The following ARHGAP15 variants were observed in gnomAD, a reference collection of about 807,000 sequenced individuals.
ARHGAP15 encodes Rho GTPase activating protein 15.
Under a neutral mutation model 63.7 loss-of-function variants are expected in ARHGAP15, and 51 were observed. That is an observed-to-expected ratio of 0.80 (90% CI 0.64 to 1.01). The LOEUF is 1.01. Ranked by LOEUF, ARHGAP15 falls within the 50% of genes least tolerant of loss-of-function variation. ARHGAP15 has a pLI of 0.00. For synonymous variants in ARHGAP15, 191 were observed against 193.8 expected, an observed-to-expected ratio of 0.99 and a Z score of 0.12; for missense variants, 560 against 564.6, an observed-to-expected ratio of 0.99 and a Z score of 0.08.
intron 12 of ARHGAP15, among the ~76,000 whole-genome samples, chr2:143,679,633 G>T (rs1341600765): frequency 7.0e-6 from 1 of 143,638 alleles, no homozygotes; most frequent in East Asian, 2.1e-4. Flanking sequence ...TTTATTTCTT[G>T]AATGAGGGGG....
chr2:143,639,654 CAT>C (rs1680512438), intron 12 of ARHGAP15, among the ~76,000 whole-genome samples: 1 of 151,978 alleles, frequency 6.6e-6, no homozygotes, highest in Non-Finnish European at 1.5e-5. Context: ...TAGGAAATAA[CAT>C]TATAAAATTT....
intron 6 of ARHGAP15, among the ~76,000 whole-genome samples, chr2:143,426,239 G>C: frequency 6.6e-6 from 1 of 152,098 alleles, no homozygotes; most frequent in East Asian, 1.9e-4. Context: ...CACCACCTGA[G>C]TTATTTTTAT....
At chr2:143,409,228 A>G (rs1688342324) in intron 6 of ARHGAP15, among the ~76,000 whole-genome samples, 1 of 152,010 alleles carries the variant, frequency 6.6e-6, no homozygotes, top group African/African-American at 2.4e-5. Context: ...TGACACATAT[A>G]TCATACACCC....
At chr2:143,338,238 T>C (rs1684895487) in intron 6 of ARHGAP15, among the ~76,000 whole-genome samples, 1 of 152,188 alleles carries the variant, frequency 6.6e-6, no homozygotes. Flanking sequence ...AGCAGAGTGA[T>C]TAAGTACTGT....
At chr2:143,721,690 CTTTTT>C (rs890798975) in intron 13 of ARHGAP15, among the ~76,000 whole-genome samples, 1 of 146,274 alleles carries the variant, frequency 6.8e-6, no homozygotes, top group African/African-American at 2.5e-5. Context: ...CCTTTTTAAA[CTTTTT>C]TTTTTTTTGG....
intron 5 of ARHGAP15, among the ~76,000 whole-genome samples, chr2:143,247,573 C>G (rs1407148826): frequency 6.6e-6 from 1 of 152,200 alleles, no homozygotes; most frequent in African/African-American, 2.4e-5. Context: ...AAAGCTTAGA[C>G]TGTTTTACCC....
At chr2:143,315,637 T>A (rs1276840513) in intron 6 of ARHGAP15, among the ~76,000 whole-genome samples, 1 of 152,074 alleles carries the variant, frequency 6.6e-6, no homozygotes, top group African/African-American at 2.4e-5. Context: ...AAATAACAGT[T>A]ACAGAATAAT....
chr2:143,466,054 T>C (rs570216236), intron 8 of ARHGAP15, among the ~76,000 whole-genome samples: 1 of 147,828 alleles, frequency 6.8e-6, no homozygotes, highest in Non-Finnish European at 1.5e-5. Context: ...CATTCCAAAA[T>C]TTTTTTTTTT....
At chr2:143,707,253 T>C (rs1684370424) in intron 13 of ARHGAP15, among the ~76,000 whole-genome samples, 1 of 152,114 alleles carries the variant, frequency 6.6e-6, no homozygotes, top group African/African-American at 2.4e-5. Context: ...ATGGCCAAAA[T>C]CTTGAGATTT....
chr2:143,707,495 C>T (rs1007558507), intron 13 of ARHGAP15, among the ~76,000 whole-genome samples: 32 of 152,260 alleles, frequency 2.1e-4, no homozygotes, highest in African/African-American at 6.5e-4. Flanking sequence ...AGGATGAATC[C>T]GATTTTGGCA....
intron 11 of ARHGAP15, among the ~76,000 whole-genome samples, chr2:143,566,609 T>C (rs1696235489): frequency 6.6e-6 from 1 of 151,894 alleles, no homozygotes; most frequent in Admixed American, 6.6e-5. Flanking sequence ...CTCTCTTCCG[T>C]CCTCATTATT....
chr2:143,647,762 C>T (rs1321858469), intron 12 of ARHGAP15, among the ~76,000 whole-genome samples: 1 of 151,936 alleles, frequency 6.6e-6, no homozygotes, highest in Non-Finnish European at 1.5e-5. Flanking sequence ...AATGAAAATT[C>T]AAAATAACTA....
At chr2:143,596,231 G>C (rs1201105669) in intron 11 of ARHGAP15, among the ~76,000 whole-genome samples, 1 of 152,114 alleles carries the variant, frequency 6.6e-6, no homozygotes, top group Non-Finnish European at 1.5e-5. Flanking sequence ...TCAATATGAA[G>C]AGAACCATCT....
In ARHGAP15 at chr2:143,413,777, T is replaced by A. The variant is rs576746225; in HGVS notation, c.475-21824T>A. ...GCATGAGCCACTTCAACCAGCGTACTCATAGCTTTTCAATGCAGAATGCCT... is the reference window on the plus strand; with the variant it reads ...GCATGAGCCACTTCAACCAGCGTACACATAGCTTTTCAATGCAGAATGCCT... On this transcript the variant is annotated intron_variant, in intron 6 of 13. Coordinates refer to ENST00000295095, the MANE Select transcript of ARHGAP15 (RefSeq NM_018460.4). 4.6e-5 allele frequency among the ~76,000 whole-genome samples: 7 copies of A among 152,246 alleles called. No homozygotes were observed. The East Asian group carries it at 9.7e-4, about 21-fold the overall frequency.
chr2:143,233,290 G>A (rs1247376400), intron 5 of ARHGAP15, among the ~76,000 whole-genome samples: 1 of 151,124 alleles, frequency 6.6e-6, no homozygotes, highest in African/African-American at 2.4e-5. Flanking sequence ...GGTCTTGCAG[G>A]GACAATCTAT....
At chr2:143,431,023 C>T (rs1316319351) in intron 6 of ARHGAP15, among the ~76,000 whole-genome samples, 3 of 151,910 alleles carry the variant, frequency 2.0e-5, no homozygotes, top group Non-Finnish European at 4.4e-5. Context: ...GTAGATAACC[C>T]AATTCAGTCT....
At chr2:143,559,406 T>A (rs1459824949) in intron 11 of ARHGAP15, among the ~76,000 whole-genome samples, 2 of 152,212 alleles carry the variant, frequency 1.3e-5, no homozygotes, top group East Asian at 1.9e-4. Flanking sequence ...TGAGTTGGTA[T>A]CTGGTAGCAC....
chr2:143,589,022 C>T (rs1285897264), intron 11 of ARHGAP15, among the ~76,000 whole-genome samples: 1 of 152,086 alleles, frequency 6.6e-6, no homozygotes, highest in Non-Finnish European at 1.5e-5. Context: ...ACCTATTAAA[C>T]TAGGCATGAA....
chr2:143,746,845 A>G (rs756837413), intron 13 of ARHGAP15, among the ~76,000 whole-genome samples: 5 of 152,218 alleles, frequency 3.3e-5, no homozygotes, highest in Non-Finnish European at 7.3e-5. Flanking sequence ...ACATGCTTAA[A>G]TATGTTTTTG....
Sources: gnomAD v4.1 joint callset for allele counts (sites outside exome capture counted in the v4.1 genomes callset) on GRCh38, gnomAD v4.1.1 for gene constraint, MANE v1.5 for transcripts, NCBI Gene and HGNC (gene_info 2026-07-23, HGNC 2026-07-21) for gene names.